Variants in RALGAPA1 observed in about 807,000 individuals in gnomAD.
RALGAPA1 encodes Ral GTPase activating protein catalytic subunit alpha 1, also known as ral GTPase-activating protein subunit alpha-1.
In RALGAPA1, 52 loss-of-function variants were observed where a neutral mutation model predicts 269.6. The ratio of observed to expected loss-of-function variants is 0.19; its 90% confidence interval spans 0.15 to 0.24. The LOEUF (loss-of-function observed/expected upper bound fraction) is 0.24, where lower values mean the gene tolerates loss of function less well. Ranked by LOEUF, RALGAPA1 falls within the 10% of genes least tolerant of loss-of-function variation. The pLI is 1.00. For missense variants in RALGAPA1, 1,917 were observed against 3,013.9 expected (o/e 0.64, Z 8.52); for synonymous variants, 817 against 1,008.3 (o/e 0.81, Z 3.60).
At chr14:35,565,129 CTTG>C (rs1432586942) in intron 39 of RALGAPA1, among the ~76,000 whole-genome samples, 1 of 151,834 alleles carries the variant, frequency 6.6e-6, no homozygotes, top group Admixed American at 6.6e-5. Context: ...TATTTCTTGA[CTTG>C]TTGATAGTTA....
chr14:35,651,796 T>C lies in RALGAPA1; in HGVS notation c.5676+9A>G. ...CCACATACTAATCATCAAACAAAAT[T>C]TAAATTACCCTCTTGTCCATTTCAT... is the stretch of plus-strand genomic sequence containing the variant. On this transcript the variant is annotated intron_variant, in intron 31 of 41. Transcript: ENST00000680220. The C allele has an allele frequency of 6.3e-7, 1 of 1,582,462 alleles. No homozygotes were observed. The highest frequency in any genetic ancestry group is 1.9e-5 in the Admixed American group (1 of 52,104).
At position 35,674,609 on chromosome 14, in the gene RALGAPA1, T is replaced by C; in HGVS notation, c.4725A>G (p.Leu1575=). ...TTGAATTTACATCTCCCAAAATGCCTAGCATTCTTCGCCACATTACAGTAG... is the reference window on the plus strand; with the variant it reads ...TTGAATTTACATCTCCCAAAATGCCCAGCATTCTTCGCCACATTACAGTAG... The part of the protein sequence containing the change: ...DVATVMWRRM[L]GILGDVNSIM... The change falls in exon 23 of 42, where the codon CTA becomes CTG. Residue 1575 remains leucine (L), a synonymous_variant. Coordinates refer to ENST00000680220, the MANE Select transcript of RALGAPA1 (RefSeq NM_001346249.2). 2 of 1,602,576 alleles carry C rather than the reference T, an allele frequency of 1.2e-6. No individual in the cohort carries two copies. The highest frequency in any genetic ancestry group is 1.1e-5 in the South Asian group (1 of 90,352).
chr14:35,689,708 C>T lies in RALGAPA1; in HGVS notation c.2703G>A (p.Leu901=). The T allele has an allele frequency of 1.4e-6, 2 of 1,418,228 alleles. No homozygotes were observed. The highest frequency in any genetic ancestry group is 1.8e-6 in the Non-Finnish European group (2 of 1,087,930). The allele number at this position is 1,418,228 out of a possible 1,614,324, so 87.9% of individuals were successfully genotyped here. ...ITDTHSRESS[L]EVGDSIYDHL... ...GGTCATATATGCTATCACCAACTTC[C>T]AGAGAAGACTCTCTACTATGAGTAT... Residue 901 remains leucine, a synonymous_variant, in exon 18 of 42, where the codon CTG becomes CTA. Transcript: ENST00000680220.
At chr14:35,581,974 C>T (rs1354871316) in intron 37 of RALGAPA1, among the ~76,000 whole-genome samples, 7 of 152,152 alleles carry the variant, frequency 4.6e-5, no homozygotes, top group Non-Finnish European at 1.5e-5. Context: ...AAGGTGGAAA[C>T]AACCCAATTT....
rs2067032253 is a variant in RALGAPA1, at chr14:35,808,935, G to A, written c.-100C>T. 1 of 1,505,282 alleles carries A rather than the reference G, an allele frequency of 6.6e-7. No homozygotes were observed. Among genetic ancestry groups the A allele is most frequent in the Admixed American group, 2.2e-5 (1 of 45,610 alleles). 93.2% of individuals were successfully genotyped at this position (1,505,282 alleles called of 1,614,324 possible). ...GTGGACGGGGAGGAGACTAGCCAGA[G>A]AGGCTCATTAGCTCCCCAGCCTTGC... On this transcript the variant is annotated 5_prime_UTR_variant, in exon 1 of 42. Transcript: ENST00000680220.
rs183824949 is a variant in RALGAPA1 at position 35,761,682 on chromosome 14, A to T, written c.370-676T>A. Among the ~76,000 whole-genome samples the T allele has an allele frequency of 5.3e-5, 8 of 152,322 alleles. No individual in the cohort carries two copies. The East Asian group carries it at 1.5e-3, about 29-fold the overall frequency. ...TTAACTGATTAATGAACATTCTCTC[A>T]GCATAAAAACAGTAAAAGAGAAATA... On this transcript the variant is annotated intron_variant, in intron 5 of 41. Transcript: ENST00000680220.
chr14:35,567,262 A>G (rs1344153302), intron 39 of RALGAPA1, among the ~76,000 whole-genome samples: 1 of 152,130 alleles, frequency 6.6e-6, no homozygotes, highest in Non-Finnish European at 1.5e-5. Flanking sequence ...GTAGGCCTGA[A>G]AAATCCAACC....
chr14:35,760,813 A>G lies in RALGAPA1; in HGVS notation c.547+16T>C. ...GAGCTTAAACCTACTGACGGATAACATCCCATGAATCTTACTTTCTTGAAG... is the reference window on the plus strand; with the variant it reads ...GAGCTTAAACCTACTGACGGATAACGTCCCATGAATCTTACTTTCTTGAAG... On this transcript the variant is annotated intron_variant, in intron 6 of 41. Coordinates refer to ENST00000680220, the MANE Select transcript of RALGAPA1 (RefSeq NM_001346249.2). 1.3e-6 allele frequency: 2 copies of G among 1,599,826 alleles called. No individual in the cohort carries two copies. The highest frequency in any genetic ancestry group is 1.7e-6 in the Non-Finnish European group (2 of 1,169,814).
chr14:35,738,230 T>G (rs145478571), intron 12 of RALGAPA1, among the ~76,000 whole-genome samples: 5 of 152,164 alleles, frequency 3.3e-5, no homozygotes, highest in East Asian at 1.9e-4. Context: ...TATGGCTGTA[T>G]AGTAACAACA....
chr14:35,579,953 T>TAACTA (rs2057845649), intron 37 of RALGAPA1, among the ~76,000 whole-genome samples: 1 of 152,186 alleles, frequency 6.6e-6, no homozygotes. Flanking sequence ...ATTTAGCATA[T>TAACTA]AGTTCTTTGG....
chr14:35,579,060 G>T (rs1262509742), intron 37 of RALGAPA1, among the ~76,000 whole-genome samples: 1 of 152,202 alleles, frequency 6.6e-6, no homozygotes, highest in Non-Finnish European at 1.5e-5. Context: ...AGCTAGGATG[G>T]TCTAAAAAGG....
intron 7 of RALGAPA1, among the ~76,000 whole-genome samples, chr14:35,754,032 A>G (rs188258075): frequency 1.1e-4 from 17 of 152,312 alleles, no homozygotes; most frequent in Admixed American, 9.8e-4. Context: ...ATTACACTGG[A>G]AAAGCCTGGC....
intron 22 of RALGAPA1, 138 bp from the exon 23 acceptor site, chr14:35,674,847 C>T (rs537532449): frequency 3.7e-5 from 19 of 515,124 alleles, no homozygotes; most frequent in South Asian, 2.4e-4. Flanking sequence ...TATTTTTTCC[C>T]GATAAGGTCA....
rs557913611 is a variant in RALGAPA1 at position 35,635,631 on chromosome 14, A to G, written c.5677-33T>C. 8 of 1,489,224 alleles carry G rather than the reference A, an allele frequency of 5.4e-6. No individual in the cohort carries two copies. The South Asian group carries it at 5.6e-5, about 10-fold the overall frequency. 92.3% of individuals were successfully genotyped at this position (1,489,224 alleles called of 1,614,324 possible). ...AACAATAGAATCATTATAATTGTAC[A>G]TTCATAAAATATATGCTTCTTAAAA... On this transcript the variant is annotated intron_variant, in intron 31 of 41. Transcript: ENST00000680220.
chr14:35,721,230 T>C (rs548189986), intron 16 of RALGAPA1, among the ~76,000 whole-genome samples: 7 of 152,200 alleles, frequency 4.6e-5, no homozygotes, highest in African/African-American at 1.4e-4. Flanking sequence ...ACAGACTCCA[T>C]GTTGGCCTTA....
intron 16 of RALGAPA1, chr14:35,715,630 TG>T: frequency 1.5e-6 from 1 of 664,312 alleles, no homozygotes; most frequent in East Asian, 1.4e-4. Context: ...GTGGAATTTC[TG>T]GAGGCCTAAC....
At chr14:35,715,636 CCTAA>C (rs1321104772) in intron 16 of RALGAPA1, 13 of 710,798 alleles carry the variant, frequency 1.8e-5, no homozygotes, top group Admixed American at 6.3e-5. Context: ...TTTCTGGAGG[CCTAA>C]CTGAGAGTGA....
At chr14:35,802,234 G>C (rs577147207) in intron 1 of RALGAPA1, among the ~76,000 whole-genome samples, 4 of 152,280 alleles carry the variant, frequency 2.6e-5, no homozygotes, top group East Asian at 3.9e-4. Context: ...CTTGAACCTG[G>C]GAGGCGGAGG....
At chr14:35,796,639 A>G (rs2076579794) in intron 1 of RALGAPA1, among the ~76,000 whole-genome samples, 1 of 152,154 alleles carries the variant, frequency 6.6e-6, no homozygotes, top group Non-Finnish European at 1.5e-5. Context: ...CAGAAAAGAA[A>G]ATGACATTTT....
Sources: gnomAD v4.1 joint callset for allele counts (sites outside exome capture counted in the v4.1 genomes callset) on GRCh38, gnomAD v4.1.1 for gene constraint, MANE v1.5 for transcripts, NCBI Gene and HGNC (gene_info 2026-07-23, HGNC 2026-07-21) for gene names.